Variants in GCDH observed in about 807,000 individuals in gnomAD.
GCDH encodes the protein glutaryl-CoA dehydrogenase.
A neutral mutation model predicts 52.8 loss-of-function variants in GCDH; 31 were observed. The observed-to-expected ratio is 0.59, with a 90% CI of 0.44 to 0.79. GCDH has a LOEUF of 0.79. Among genes scored for constraint, GCDH ranks in the 30% least tolerant of loss-of-function variants. GCDH has a pLI of 0.00. For synonymous variants in GCDH, 242 were observed against 250.0 expected, an observed-to-expected ratio of 0.97 and a Z score of 0.30; for missense variants, 509 against 595.0, an observed-to-expected ratio of 0.86 and a Z score of 1.50.
In GCDH at chr19:12,891,288, G is replaced by T. The variant is rs115729954; in HGVS notation, c.-17G>T. On this transcript the variant is annotated 5_prime_UTR_variant, in exon 2 of 12. Transcript: ENST00000222214. ...TCCTGTAGGTCGCCGTCGTTGCTCC[G>T]CTCGCTCTGAGAGAGCATGGCCCTG... The T allele has an allele frequency of 3.1e-6, 5 of 1,598,568 alleles. No homozygotes were observed. In the African/African-American group the frequency reaches 6.7e-5, roughly 21 times the overall value.
At position 12,893,790 on chromosome 19, in the gene GCDH, C is replaced by G. The variant is rs564296682; in HGVS notation, c.505+137C>G. The G allele has an allele frequency of 3.8e-6, 3 of 793,096 alleles. No homozygotes were observed. In the African/African-American group the frequency reaches 5.1e-5, roughly 13 times the overall value. The allele number at this position is 793,096 out of a possible 1,614,324, so 49.1% of individuals were successfully genotyped here. On this transcript the variant is annotated intron_variant, in intron 6 of 11. Coordinates refer to ENST00000222214, the MANE Select transcript of GCDH (RefSeq NM_000159.4). ...AGTGGCCACCTGGACCCCCGCCAGA[C>G]CCTGGGCTTCACCTGGAGATCTGAT... is the stretch of plus-strand genomic sequence containing the variant.
chr19:12,896,745 C>T lies in GCDH; in HGVS notation c.853-165C>T, dbSNP rs1052880732. ...TGGGACTGTGTGCAAACCGAGTGAG[C>T]AGGCACCGAGCTTCAGTGCCAGGGC... On this transcript the variant is annotated intron_variant, in intron 8 of 11. Transcript: ENST00000222214. The surrounding 1 kb of genome is among the most constrained non-coding windows in gnomAD (Gnocchi z 5.5). Among the ~76,000 whole-genome samples the T allele has an allele frequency of 6.6e-6, 1 of 152,200 alleles. No homozygotes were observed. The highest frequency in any genetic ancestry group is 1.5e-5 in the Non-Finnish European group (1 of 68,036).
At chr19:12,894,540 G>A in intron 6 of GCDH, 1 of 669,264 alleles carries the variant, frequency 1.5e-6, no homozygotes, top group Non-Finnish European at 2.7e-6. Flanking sequence ...CTGGGGCCCA[G>A]TACAGCTAGC....
intron 9 of GCDH, 56 bp downstream of exon 9, chr19:12,897,069 T>C (rs2145953275): frequency 7.1e-7 from 1 of 1,417,604 alleles, no homozygotes; most frequent in East Asian, 2.3e-5. Flanking sequence ...TGGGTTTCAC[T>C]CTCTATACCA....
intron 6 of GCDH, chr19:12,894,693 A>T: frequency 1.2e-6 from 1 of 810,568 alleles, no homozygotes; most frequent in Non-Finnish European, 2.0e-6. Context: ...GTCCTGCAGC[A>T]CAAACAGCGG....
chr19:12,897,491 C>A, intron 10 of GCDH, 63 bp downstream of exon 10: 1 of 1,580,216 alleles, frequency 6.3e-7, no homozygotes, highest in South Asian at 1.1e-5. Context: ...TGTGTCCTTC[C>A]TGGAGAGAAA....
chr19:12,899,834 C>T lies in GCDH; in HGVS notation c.*293C>T. The T allele has an allele frequency of 1.3e-6, 2 of 1,572,354 alleles. No homozygotes were observed. The highest frequency in any genetic ancestry group is 1.7e-6 in the Non-Finnish European group (2 of 1,143,676). On this transcript the variant is annotated 3_prime_UTR_variant, in exon 12 of 12. Transcript: ENST00000222214. ...TCTTGAGAGGAGAGTGACATGGAAG[C>T]AACTCCGTCTGCTGCAGCTGACCCC...
intron 11 of GCDH, chr19:12,898,115 C>A: frequency 1.9e-6 from 1 of 528,364 alleles, no homozygotes; most frequent in African/African-American, 1.9e-5. Context: ...CTCCCACATG[C>A]TCGGGAGGAG....
chr19:12,894,440 A>G, intron 6 of GCDH: 1 of 746,092 alleles, frequency 1.3e-6, no homozygotes, highest in Non-Finnish European at 2.5e-6. Flanking sequence ...TGCATCGTGG[A>G]TGCCAATCTG....
At chr19:12,893,179 G>A (rs547785873) in intron 5 of GCDH, among the ~76,000 whole-genome samples, 1 of 152,242 alleles carries the variant, frequency 6.6e-6, no homozygotes, top group South Asian at 2.1e-4. Context: ...GAGCCACCGT[G>A]CCTGGCCCCT....
At position 12,892,125 on chromosome 19, in the gene GCDH, G is replaced by T. The variant is rs566417795; in HGVS notation, c.281G>T (p.Arg94Leu). The T allele has an allele frequency of 5.6e-6, 9 of 1,614,028 alleles. No individual in the cohort carries two copies. Among genetic ancestry groups the T allele is most frequent in the Non-Finnish European group, 6.8e-6 (8 of 1,180,014 alleles). Residue 94 changes from arginine (R) to leucine (L), a missense_variant, in exon 5 of 12, where the codon CGG (arginine) becomes CTG (leucine). Arg to Leu is a moderately radical substitution (Grantham distance 102). Coordinates refer to ENST00000222214, the MANE Select transcript of GCDH (RefSeq NM_000159.4). ...LLANRNEVFHREIISEMGELG... is the reference protein window; with the variant it reads ...LLANRNEVFHLEIISEMGELG... ...ACTGGTCCCTTTGCAGTTTTTCATC[G>T]GGAGATCATTTCGGAGATGGGGGAG...
rs552950984 is a variant in GCDH at position 12,899,641 on chromosome 19, C to T, written c.*100C>T. 4.3e-6 allele frequency: 7 copies of T among 1,612,214 alleles called. No individual in the cohort carries two copies. The highest frequency in any genetic ancestry group is 1.3e-5 in the African/African-American group (1 of 75,006). ...GCTCTGAGCTTAGAAAGGGAGGTGGCGGATGGAGTGGGAAGTGAGAGACAC... is the reference window on the plus strand; with the variant it reads ...GCTCTGAGCTTAGAAAGGGAGGTGGTGGATGGAGTGGGAAGTGAGAGACAC... On this transcript the variant is annotated 3_prime_UTR_variant, in exon 12 of 12. Transcript: ENST00000222214.
chr19:12,894,175 C>T, intron 6 of GCDH: 6 of 1,575,022 alleles, frequency 3.8e-6, no homozygotes, highest in Middle Eastern at 1.7e-4. Context: ...CTGCCAGAAA[C>T]TCATTGAAGT....
At chr19:12,897,487 C>T in intron 10 of GCDH, 59 bp downstream of exon 10, 15 of 1,590,710 alleles carry the variant, frequency 9.4e-6, no homozygotes, top group Non-Finnish European at 1.3e-5. Context: ...ACCTTGTGTC[C>T]TTCCTGGAGA....
At chr19:12,894,560 A>G (rs1970631094) in intron 6 of GCDH, 1 of 660,444 alleles carries the variant, frequency 1.5e-6, no homozygotes, top group South Asian at 1.7e-5. Context: ...CAGAATCCGT[A>G]AACTTTTCAG....
Position 12,899,961 on chromosome 19 carries a change from C to T in GCDH, c.*420C>T. Reference sequence around the variant, plus strand: ...TGAGGGAGAGGAAAATAAAGACCTGCACATCTGACCCCAAGGTGTCAGGCC... The same window carrying T: ...TGAGGGAGAGGAAAATAAAGACCTGTACATCTGACCCCAAGGTGTCAGGCC... On this transcript the variant is annotated 3_prime_UTR_variant, in exon 12 of 12. Coordinates refer to ENST00000222214, the MANE Select transcript of GCDH (RefSeq NM_000159.4). The T allele has an allele frequency of 1.2e-6, 2 of 1,612,086 alleles. No individual in the cohort carries two copies. Among genetic ancestry groups the T allele is most frequent in the South Asian group, 1.1e-5 (1 of 90,986 alleles).
intron 6 of GCDH, chr19:12,894,108 C>T: frequency 9.5e-7 from 1 of 1,054,884 alleles, no homozygotes; most frequent in Non-Finnish European, 1.4e-6. Context: ...TCCGTGGTGT[C>T]TCGGAGGTGT....
chr19:12,892,285 C>A, intron 5 of GCDH, 107 bp downstream of exon 5: 1 of 1,006,572 alleles, frequency 9.9e-7, no homozygotes, highest in Non-Finnish European at 1.5e-6. Context: ...TTTTCTTTTC[C>A]TTTTCTTTCC....
chr19:12,891,291 C>G lies in GCDH; in HGVS notation c.-14C>G. ...TGTAGGTCGCCGTCGTTGCTCCGCT[C>G]GCTCTGAGAGAGCATGGCCCTGAGA... On this transcript the variant is annotated 5_prime_UTR_variant, in exon 2 of 12. Coordinates refer to ENST00000222214, the MANE Select transcript of GCDH (RefSeq NM_000159.4). 2 of 1,599,942 alleles carry G rather than the reference C, an allele frequency of 1.3e-6. No individual in the cohort carries two copies. The highest frequency in any genetic ancestry group is 1.7e-6 in the Non-Finnish European group (2 of 1,177,422).
Sources: gnomAD v4.1 joint callset for allele counts (sites outside exome capture counted in the v4.1 genomes callset) on GRCh38, gnomAD v4.1.1 for gene constraint, Gnocchi (gnomAD v3.1) non-coding constraint, MANE v1.5 for transcripts, NCBI Gene and HGNC (gene_info 2026-07-23, HGNC 2026-07-21) for gene names.